Variants in PPIP5K2 observed in about 807,000 individuals in gnomAD.
The protein encoded by PPIP5K2 is inositol hexakisphosphate and diphosphoinositol-pentakisphosphate kinase 2.
In PPIP5K2, 105 loss-of-function variants were observed where a neutral mutation model predicts 154.6. The observed-to-expected ratio is 0.68, with a 90% CI of 0.58 to 0.80. The LOEUF (loss-of-function observed/expected upper bound fraction) is 0.80. PPIP5K2 is among the 30% of genes least tolerant of loss of function. The pLI is 0.00. For synonymous variants in PPIP5K2, 480 were observed against 490.3 expected, an observed-to-expected ratio of 0.98 and a Z score of 0.28; for missense variants, 992 against 1,504.6, an observed-to-expected ratio of 0.66 and a Z score of 5.64.
chr5:103,190,749 C>A, intron 28 of PPIP5K2, 93 bp from the exon 29 acceptor site: 1 of 1,165,570 alleles, frequency 8.6e-7, no homozygotes, highest in Non-Finnish European at 1.2e-6. Flanking sequence ...AAGACCTAAA[C>A]TGTCCAGTTC....
intron 10 of PPIP5K2, 39 bp from the exon 11 acceptor site, chr5:103,153,809 T>C (rs1303446251): frequency 2.1e-6 from 3 of 1,421,888 alleles, no homozygotes; most frequent in Non-Finnish European, 2.9e-6. Flanking sequence ...CACAAATCTT[T>C]TTTAGAGAAT....
chr5:103,205,665 T>G lies in PPIP5K2; in HGVS notation c.*4031T>G, dbSNP rs1219850538. ...TCGCTTAGGGATCACTGTCAATTTC[T>G]CCTTTTATTATCAATGGTTTTTACT... On this transcript the variant is annotated 3_prime_UTR_variant, in exon 31 of 31. Transcript: ENST00000358359. The G allele has an allele frequency of 1.3e-5, 2 of 152,240 alleles. No individual in the cohort carries two copies. The highest frequency in any genetic ancestry group is 4.8e-5 in the African/African-American group (2 of 41,470). The allele number at this position is 152,240 out of a possible 1,614,324, so 9.4% of individuals were successfully genotyped here. A position where few individuals can be genotyped will look rare whatever the true frequency, so the allele number is the denominator to read the frequency against.
In PPIP5K2 at chr5:103,210,748, G is replaced by T. The variant is rs1803761874; in HGVS notation, c.*9114G>T. The T allele has an allele frequency of 6.6e-6, 1 of 152,074 alleles. No homozygotes were observed. Among genetic ancestry groups the T allele is most frequent in the South Asian group, 2.1e-4 (1 of 4,824 alleles). 9.4% of individuals were successfully genotyped at this position (152,074 alleles called of 1,614,324 possible). ...TTGAGGAATTTACTTGGTTAATACA[G>T]TTAATAGTATAATACTTATAATAAC... On this transcript the variant is annotated 3_prime_UTR_variant, in exon 31 of 31. Transcript: ENST00000358359.
chr5:103,142,581 C>G (rs1185392571), intron 5 of PPIP5K2, among the ~76,000 whole-genome samples: 1 of 152,146 alleles, frequency 6.6e-6, no homozygotes, highest in East Asian at 1.9e-4. Context: ...GTGAGGACTG[C>G]TAGCACGCTG....
intron 19 of PPIP5K2, among the ~76,000 whole-genome samples, chr5:103,169,861 G>T (rs1554219069): frequency 6.6e-6 from 1 of 151,566 alleles, no homozygotes; most frequent in African/African-American, 2.4e-5. Context: ...ACAATTAGCT[G>T]TGAATACAAG....
intron 21 of PPIP5K2, among the ~76,000 whole-genome samples, chr5:103,174,748 T>C (rs1349409088): frequency 6.6e-6 from 1 of 152,078 alleles, no homozygotes; most frequent in East Asian, 1.9e-4. Context: ...CAGAGGTTCA[T>C]CCAGGTTCAG....
chr5:103,188,249 C>T (rs1483792707), intron 28 of PPIP5K2, among the ~76,000 whole-genome samples: 5 of 152,220 alleles, frequency 3.3e-5, no homozygotes, highest in East Asian at 1.9e-4. Flanking sequence ...TTTAAAAGAG[C>T]ACTTACAGAT....
At chr5:103,126,059 A>G (rs1554200629) in intron 1 of PPIP5K2, among the ~76,000 whole-genome samples, 2 of 152,178 alleles carry the variant, frequency 1.3e-5, no homozygotes, top group African/African-American at 4.8e-5. Flanking sequence ...TATGCCAAGC[A>G]TACTTCTGCT....
chr5:103,162,871 G>A (rs1185608478), intron 17 of PPIP5K2, among the ~76,000 whole-genome samples: 1 of 152,008 alleles, frequency 6.6e-6, no homozygotes, highest in Non-Finnish European at 1.5e-5. Context: ...TGTGTGCTAT[G>A]AGCTAAGAAT....
chr5:103,197,569 A>ATTT (rs782156090), intron 30 of PPIP5K2, among the ~76,000 whole-genome samples: 1,418 of 87,004 alleles, frequency 0.016, 15 homozygotes, highest in Middle Eastern at 0.036. Flanking sequence ...TAAAACACAA[A>ATTT]TTTTTTTTTT....
chr5:103,123,927 C>T (rs782638557), intron 1 of PPIP5K2, among the ~76,000 whole-genome samples: 6 of 152,150 alleles, frequency 3.9e-5, no homozygotes, highest in Non-Finnish European at 7.4e-5. Flanking sequence ...CAAGTATCAG[C>T]GCTTTAAGTG....
intron 1 of PPIP5K2, among the ~76,000 whole-genome samples, chr5:103,122,035 G>C (rs1388647154): frequency 6.6e-6 from 1 of 152,178 alleles, no homozygotes. Flanking sequence ...AACGTACTTA[G>C]AGTTGAAGTG....
Position 103,196,661 on chromosome 5 carries a change from G to T in PPIP5K2, c.3619+1636G>T, listed in dbSNP as rs538574207. Among the ~76,000 whole-genome samples, 10 of 152,188 alleles carry T rather than the reference G, an allele frequency of 6.6e-5. No individual in the cohort carries two copies. The South Asian group carries it at 8.3e-4, about 13-fold the overall frequency. On this transcript the variant is annotated intron_variant, in intron 30 of 30. Coordinates refer to ENST00000358359, the MANE Select transcript of PPIP5K2 (RefSeq NM_001276277.3). ...GGATTTGAATGCATTTTGACTCATA[G>T]TACATTGTTCTTTAGACACATAATA...
chr5:103,149,107 C>CACAT, intron 7 of PPIP5K2, 45 bp from the exon 8 acceptor site: 1 of 1,418,650 alleles, frequency 7.0e-7, no homozygotes, highest in South Asian at 1.4e-5. Context: ...CACACACACA[C>CACAT]ACATACATAT....
rs1554232422 is a variant in PPIP5K2 at position 103,208,798 on chromosome 5, T to C, written c.*7164T>C. 1 of 152,162 alleles carries C rather than the reference T, an allele frequency of 6.6e-6. No individual in the cohort carries two copies. Among genetic ancestry groups the C allele is most frequent in the Admixed American group, 6.6e-5 (1 of 15,258 alleles). The allele number at this position is 152,162 out of a possible 1,614,324, so 9.4% of individuals were successfully genotyped here. Reference sequence around the variant, plus strand: ...GCTGCGATATGGAGCTATCTGACCTTTACTGCACCTGGCAGCTCTATCTCC... The same window carrying C: ...GCTGCGATATGGAGCTATCTGACCTCTACTGCACCTGGCAGCTCTATCTCC... On this transcript the variant is annotated 3_prime_UTR_variant, in exon 31 of 31. Coordinates refer to ENST00000358359, the MANE Select transcript of PPIP5K2 (RefSeq NM_001276277.3).
chr5:103,124,197 G>A (rs534703035), intron 1 of PPIP5K2, among the ~76,000 whole-genome samples: 64 of 150,710 alleles, frequency 4.2e-4, no homozygotes, highest in African/African-American at 1.6e-3. Flanking sequence ...GGAGAATGGT[G>A]TGAACCCGGG....
intron 17 of PPIP5K2, among the ~76,000 whole-genome samples, chr5:103,161,957 A>G (rs1297462407): frequency 2.0e-5 from 3 of 151,870 alleles, no homozygotes; most frequent in Non-Finnish European, 2.9e-5. Context: ...CTTGAGTTTA[A>G]TTAGATCCCA....
intron 3 of PPIP5K2, among the ~76,000 whole-genome samples, chr5:103,135,316 G>T (rs868923795): frequency 1.3e-5 from 2 of 152,170 alleles, no homozygotes; most frequent in Admixed American, 6.5e-5. Context: ...TTTGCCCAAG[G>T]TCACATAGCT....
chr5:103,181,322 C>G (rs1378395445), intron 24 of PPIP5K2, among the ~76,000 whole-genome samples: 1 of 151,888 alleles, frequency 6.6e-6, no homozygotes, highest in Non-Finnish European at 1.5e-5. Flanking sequence ...AAACCTGGCA[C>G]TTTGGGAGGC....
Sources: allele counts gnomAD v4.1 joint callset (sites outside exome capture counted in the v4.1 genomes callset), GRCh38; gene constraint gnomAD v4.1.1; transcripts MANE v1.5; gene names NCBI Gene and HGNC (gene_info 2026-07-23, HGNC 2026-07-21).